EIF4E3: variants seen among roughly 807,000 people sequenced by gnomAD.
EIF4E3 encodes the protein eukaryotic translation initiation factor 4E family member 3.
EIF4E3 carries 26 observed loss-of-function variants against 31.7 expected under a neutral mutation model. The ratio of observed to expected loss-of-function variants is 0.82; its 90% confidence interval spans 0.60 to 1.14. The LOEUF (loss-of-function observed/expected upper bound fraction) is 1.14. Ranked by LOEUF, EIF4E3 falls within the 50% of genes most tolerant of loss-of-function variation. The probability of loss-of-function intolerance (pLI) is 0.00; values close to 1 mark genes in which losing one functional copy is unlikely to be tolerated. For missense variants in EIF4E3, 304 were observed against 270.9 expected, an observed-to-expected ratio of 1.12 and a Z score of -0.86; for synonymous variants, 128 against 107.7, an observed-to-expected ratio of 1.19 and a Z score of -1.17.
rs1344729261 is a variant in EIF4E3, at chr3:71,677,732, T to C, written c.*6950A>G. ...AGGGAGAGATAGGAAAGTCTGCAGA[T>C]GAATGGAAGAAGAGTTTGTTGGTAC... is the stretch of plus-strand genomic sequence containing the variant. On this transcript the variant is annotated 3_prime_UTR_variant, in exon 7 of 7. Coordinates refer to ENST00000425534, the MANE Select transcript of EIF4E3 (RefSeq NM_001134651.2). The C allele has an allele frequency of 1.3e-5, 2 of 152,166 alleles. No individual in the cohort carries two copies. The highest frequency in any genetic ancestry group is 2.4e-5 in the African/African-American group (1 of 41,434). The allele number at this position is 152,166 out of a possible 1,614,324, so 9.4% of individuals were successfully genotyped here. A position where few individuals can be genotyped will look rare whatever the true frequency, so the allele number is the denominator to read the frequency against.
chr3:71,754,412 C>T (rs1389112426), upstream of EIF4E3: 18 of 1,349,930 alleles, frequency 1.3e-5, no homozygotes, highest in Non-Finnish European at 1.6e-5. This position sits in a 1 kb window ranked among gnomAD's most constrained non-coding sequence, Gnocchi z 5.8. Flanking sequence ...TCACCCGCTA[C>T]CTGGCCATCG....
Position 71,682,157 on chromosome 3 carries a change from G to A in EIF4E3, c.*2525C>T, listed in dbSNP as rs1046408140. The A allele has an allele frequency of 1.3e-4, 20 of 152,130 alleles. No homozygotes were observed. The highest frequency in any genetic ancestry group is 6.5e-4 in the Admixed American group (10 of 15,270). 9.4% of individuals were successfully genotyped at this position (152,130 alleles called of 1,614,324 possible). A position where few individuals can be genotyped will look rare whatever the true frequency, so the allele number is the denominator to read the frequency against. On this transcript the variant is annotated 3_prime_UTR_variant, in exon 7 of 7. Coordinates refer to ENST00000425534, the MANE Select transcript of EIF4E3 (RefSeq NM_001134651.2). ...AGTGCCTGTGATATAACAATTTAGG[G>A]AATAATGGGAGAATAAAAAGCATAT... is the stretch of plus-strand genomic sequence containing the variant.
chr3:71,690,018 A>C lies in EIF4E3; in HGVS notation c.620T>G (p.Phe207Cys), dbSNP rs2049041487. ...GGAAATGAAGCACTTACGTTTATAA[A>C]ATACTGCTTTAAAAGTTATGTGGGG... ...LLPHITFKAV[F>C]YKPHEEHHAF... The change falls in exon 6 of 7, where the codon TTT (phenylalanine) becomes TGT (cysteine). Residue 207 changes from phenylalanine to cysteine, a missense_variant. By Grantham distance (205) the Phe-to-Cys change is radical. Transcript: ENST00000425534. 1.2e-6 allele frequency: 2 copies of C among 1,609,872 alleles called. No individual in the cohort carries two copies. The highest frequency in any genetic ancestry group is 1.7e-6 in the Non-Finnish European group (2 of 1,178,178).
At chr3:71,744,009 G>A (rs896318068) in intron 1 of EIF4E3, among the ~76,000 whole-genome samples, 2 of 151,948 alleles carry the variant, frequency 1.3e-5, no homozygotes, top group Admixed American at 1.3e-4. Flanking sequence ...AGAAAACATA[G>A]GAGAAAATTT....
At chr3:71,719,431 T>C (rs1306945491) in intron 1 of EIF4E3, among the ~76,000 whole-genome samples, 1 of 151,688 alleles carries the variant, frequency 6.6e-6, no homozygotes, top group Non-Finnish European at 1.5e-5. Context: ...GTGATTCTGA[T>C]GGGCGGATGA....
Position 71,684,736 on chromosome 3 carries a change from A to T in EIF4E3, c.629-8T>A. On this transcript the variant is annotated splice_region_variant and splice_polypyrimidine_tract_variant and intron_variant, in intron 6 of 6. Transcript: ENST00000425534. ...CATGATGCTCTTCATGGGCTAAAGG[A>T]CAGAAAAAAAACAAAAAAGAAAAAA... The T allele has an allele frequency of 6.2e-7, 1 of 1,613,426 alleles. No homozygotes were observed. Among genetic ancestry groups the T allele is most frequent in the Non-Finnish European group, 8.5e-7 (1 of 1,179,792 alleles).
intron 2 of EIF4E3, among the ~76,000 whole-genome samples, chr3:71,703,594 C>A (rs903833797): frequency 6.6e-6 from 1 of 152,164 alleles, no homozygotes; most frequent in Non-Finnish European, 1.5e-5. Context: ...ATTGGAGCAA[C>A]TATGCCCCAC....
chr3:71,700,914 C>A (rs1422976470), intron 2 of EIF4E3, among the ~76,000 whole-genome samples: 2 of 152,098 alleles, frequency 1.3e-5, no homozygotes, highest in Non-Finnish European at 2.9e-5. Context: ...GGGAGGTAAT[C>A]AGGTCATGAG....
intron 2 of EIF4E3, among the ~76,000 whole-genome samples, chr3:71,702,228 T>C (rs752377036): frequency 5.9e-5 from 9 of 152,204 alleles, no homozygotes; most frequent in African/African-American, 1.2e-4. Context: ...AAGAGGCTGG[T>C]GGTTGTCAAC....
At chr3:71,660,297 G>A in the EIF4E3 span, among the ~76,000 whole-genome samples, 1 of 152,038 alleles carries the variant, frequency 6.6e-6, no homozygotes, top group African/African-American at 2.4e-5. Context: ...GTTGCACACA[G>A]CGTGATGACC....
At chr3:71,692,876 T>C (rs1305808433) in intron 5 of EIF4E3, among the ~76,000 whole-genome samples, 2 of 152,180 alleles carry the variant, frequency 1.3e-5, no homozygotes, top group Admixed American at 6.5e-5. Context: ...ATTACAGTCA[T>C]GGGCCACCAC....
chr3:71,712,495 C>T (rs1457413151), intron 1 of EIF4E3, among the ~76,000 whole-genome samples: 1 of 151,976 alleles, frequency 6.6e-6, no homozygotes, highest in Non-Finnish European at 1.5e-5. Flanking sequence ...AAATCTATCA[C>T]TTTAACATTA....
intron 4 of EIF4E3, among the ~76,000 whole-genome samples, chr3:71,694,915 C>T (rs1018082124): frequency 4.6e-5 from 7 of 152,170 alleles, no homozygotes; most frequent in Admixed American, 4.6e-4. Flanking sequence ...ATGCCATAAA[C>T]AGCTGTGTGT....
intron 2 of EIF4E3, among the ~76,000 whole-genome samples, chr3:71,702,136 G>A (rs1444816841): frequency 6.6e-6 from 1 of 151,642 alleles, no homozygotes; most frequent in African/African-American, 2.4e-5. Context: ...AATCTTAGCA[G>A]CCAAGAATCA....
chr3:71,740,871 T>G (rs1305691516), intron 1 of EIF4E3, among the ~76,000 whole-genome samples: 1 of 152,212 alleles, frequency 6.6e-6, no homozygotes, highest in African/African-American at 2.4e-5. Context: ...CCGCGGTGGC[T>G]CACGCCTGTA....
At chr3:71,675,066 G>T (rs990064347), downstream of EIF4E3, among the ~76,000 whole-genome samples, 3 of 152,160 alleles carry the variant, frequency 2.0e-5, no homozygotes, top group Admixed American at 2.0e-4. Context: ...CTCTTAAGTG[G>T]CAAAACCACC....
At chr3:71,715,174 G>A (rs1200055089) in intron 1 of EIF4E3, among the ~76,000 whole-genome samples, 1 of 152,192 alleles carries the variant, frequency 6.6e-6, no homozygotes, top group Non-Finnish European at 1.5e-5. Flanking sequence ...CGGTGCTGCT[G>A]AACATCCTAC....
chr3:71,696,427 G>A lies in EIF4E3; in HGVS notation c.405+33C>T, dbSNP rs146976107. 2.5e-3 allele frequency: 3,991 copies of A among 1,612,438 alleles called. 7 individuals carry two copies. Among genetic ancestry groups the A allele is most frequent in the Non-Finnish European group, 3.0e-3 (3,524 of 1,179,044 alleles). On this transcript the variant is annotated intron_variant, in intron 4 of 6. Coordinates refer to ENST00000425534, the MANE Select transcript of EIF4E3 (RefSeq NM_001134651.2). The stretch of plus-strand genomic sequence containing the variant: ...CAGGCAGTCAACAACTCCAAGCCTC[G>A]CCGGTTCTAGAAGAGGATCAGTAGG...
chr3:71,698,839 T>C (rs527796516), intron 3 of EIF4E3, among the ~76,000 whole-genome samples: 1 of 152,318 alleles, frequency 6.6e-6, no homozygotes, highest in African/African-American at 2.4e-5. Context: ...AGATTCCTGA[T>C]AACATGAGCT....
Sources: gnomAD v4.1 joint callset for allele counts (sites outside exome capture counted in the v4.1 genomes callset) on GRCh38, gnomAD v4.1.1 for gene constraint, Gnocchi (gnomAD v3.1) non-coding constraint, MANE v1.5 for transcripts, NCBI Gene and HGNC (gene_info 2026-07-23, HGNC 2026-07-21) for gene names.